Variants in LRRC66 observed in about 807,000 individuals in gnomAD.
LRRC66 encodes leucine-rich repeat-containing protein 66.
In LRRC66, 29 loss-of-function variants were observed where a neutral mutation model predicts 24.6. That is an observed-to-expected ratio of 1.18 (90% CI 0.88 to 1.61). The LOEUF is 1.61. LRRC66 is among the 40% of genes most tolerant of loss of function. LRRC66 has a pLI of 0.00. For synonymous variants in LRRC66, 411 were observed against 397.6 expected (o/e 1.03, Z -0.40); for missense variants, 1,124 against 1,058.0 (o/e 1.06, Z -0.87).
chr4:52,007,529 C>T (rs1736616322), intron 2 of LRRC66, among the ~76,000 whole-genome samples: 1 of 134,892 alleles, frequency 7.4e-6, no homozygotes, highest in East Asian at 1.9e-4. Context: ...TCACTTAAGG[C>T]CTCCATGCTT....
intron 3 of LRRC66, 43 bp from the exon 4 acceptor site, chr4:51,997,980 A>G: frequency 6.6e-7 from 1 of 1,508,548 alleles, no homozygotes; most frequent in Non-Finnish European, 9.1e-7. Flanking sequence ...GTGGATAAAG[A>G]CATTTACAGA....
rs199803124 is a variant in LRRC66 at position 51,995,075 on chromosome 4, A to G, written c.1947T>C (p.Leu649=). The G allele has an allele frequency of 2.5e-6, 4 of 1,614,192 alleles. No individual in the cohort carries two copies. The African/African-American group carries it at 4.0e-5, about 16-fold the overall frequency. Residue 649 remains leucine (L), a synonymous_variant, in exon 5 of 5, where the codon CTT becomes CTC. Transcript: ENST00000682860. ...ATGGAACCTCGCTGTAGTGGGCTGA[A>G]AGCGCTTCCTCAGCCCTTGCCCCGG... ...RLSGARAEEA[L]SAHYSEVPYG...
rs763187749 is a variant in LRRC66 at position 51,994,355 on chromosome 4, G to T, written c.*24C>A. 6.3e-7 allele frequency: 1 copy of T among 1,577,650 alleles called. No individual in the cohort carries two copies. The highest frequency in any genetic ancestry group is 1.2e-5 in the South Asian group (1 of 85,368). The stretch of plus-strand genomic sequence containing the variant: ...TTAAAAGAATATTGTTTAGAGCTGT[G>T]AATATTTCCTTAATGAAAGATTCTT... On this transcript the variant is annotated 3_prime_UTR_variant, in exon 5 of 5. Transcript: ENST00000682860.
chr4:52,016,971 C>T (rs1736825238), intron 2 of LRRC66, 147 bp downstream of exon 2: 3 of 833,896 alleles, frequency 3.6e-6, no homozygotes, highest in Non-Finnish European at 5.5e-6. Context: ...ACTTCCAATG[C>T]CACTAAGAAA....
chr4:52,018,107 A>G, intron 1 of LRRC66: 1 of 985,448 alleles, frequency 1.0e-6, no homozygotes. Context: ...AAAAAGTTTA[A>G]CTCACAAAAG....
At position 51,997,946 on chromosome 4, in the gene LRRC66, GAAGA is replaced by G. The variant is rs1335281743; in HGVS notation, c.667-13_667-10del. On this transcript the variant is annotated splice_polypyrimidine_tract_variant and intron_variant, in intron 3 of 4. Coordinates refer to ENST00000682860, the MANE Select transcript of LRRC66 (RefSeq NM_001024611.3). Reference sequence around the variant, plus strand: ...TTGCTAAGGTCTATGACCTGTTTGAGAAGAAACAAGTTTAGGATGGTCTGTGGAT... The same window carrying G: ...TTGCTAAGGTCTATGACCTGTTTGAGAACAAGTTTAGGATGGTCTGTGGAT... 6.2e-7 allele frequency: 1 copy of G among 1,608,696 alleles called. No homozygotes were observed. The highest frequency in any genetic ancestry group is 1.1e-5 in the South Asian group (1 of 90,664).
At chr4:52,003,423 A>C (rs1052514679) in intron 2 of LRRC66, 31 bp from the exon 3 acceptor site, 2 of 1,595,246 alleles carry the variant, frequency 1.3e-6, no homozygotes, top group Admixed American at 3.4e-5. Context: ...GTTGAAATCT[A>C]AACTGGTAAA....
intron 2 of LRRC66, among the ~76,000 whole-genome samples, chr4:52,010,192 A>G (rs1189410242): frequency 6.6e-6 from 1 of 152,180 alleles, no homozygotes; most frequent in Non-Finnish European, 1.5e-5. Flanking sequence ...TTTATTTTTA[A>G]TAGCCAAAAA....
chr4:52,008,170 T>C (rs930413646), intron 2 of LRRC66, among the ~76,000 whole-genome samples: 2 of 152,138 alleles, frequency 1.3e-5, no homozygotes, highest in African/African-American at 4.8e-5. Flanking sequence ...TTCCCAACTC[T>C]GGTCTGCAGA....
intron 2 of LRRC66, among the ~76,000 whole-genome samples, chr4:52,008,978 G>A (rs747586550): frequency 2.6e-5 from 4 of 152,044 alleles, no homozygotes; most frequent in Non-Finnish European, 4.4e-5. Flanking sequence ...AAGGACAGAA[G>A]AGGGGAAAAA....
intron 2 of LRRC66, among the ~76,000 whole-genome samples, chr4:52,008,962 T>G (rs552862442): frequency 6.6e-6 from 1 of 152,130 alleles, no homozygotes; most frequent in South Asian, 2.1e-4. Context: ...GGACAATACC[T>G]GCACAAAGGA....
chr4:52,019,620 A>G (rs1736898306), intron 1 of LRRC66, among the ~76,000 whole-genome samples: 1 of 152,222 alleles, frequency 6.6e-6, no homozygotes, highest in Non-Finnish European at 1.5e-5. Flanking sequence ...TTATTTTTAC[A>G]GTGTGCTTCT....
chr4:52,019,450 T>C (rs180971936), intron 1 of LRRC66, among the ~76,000 whole-genome samples: 1 of 152,336 alleles, frequency 6.6e-6, no homozygotes, highest in East Asian at 1.9e-4. Flanking sequence ...ATGTTGTTTG[T>C]GTGTAAATGA....
rs1736288078 is a variant in LRRC66 at position 51,995,657 on chromosome 4, C to T, written c.1365G>A (p.Gln455=). 1 of 1,613,948 alleles carries T rather than the reference C, an allele frequency of 6.2e-7. No homozygotes were observed. Among genetic ancestry groups the T allele is most frequent in the African/African-American group, 1.3e-5 (1 of 74,880 alleles). ...VFPHLSLYEN[Q]TPFWVTQPHP... ...GTGGCTGTGTCACCCAGAAAGGGGT[C>T]TGGTTCTCGTAGAGGCTTAGATGAG... is the stretch of plus-strand genomic sequence containing the variant. The change falls in exon 5 of 5, where the codon CAG becomes CAA. Residue 455 remains glutamine (Q), a synonymous_variant. Coordinates refer to ENST00000682860, the MANE Select transcript of LRRC66 (RefSeq NM_001024611.3).
intron 3 of LRRC66, among the ~76,000 whole-genome samples, chr4:51,998,379 G>A (rs1230328995): frequency 6.6e-6 from 1 of 152,198 alleles, no homozygotes; most frequent in Admixed American, 6.5e-5. Context: ...TGAAGACACA[G>A]AACACAGACT....
intron 1 of LRRC66, 118 bp from the exon 2 acceptor site, chr4:52,017,736 A>G (rs1030196544): frequency 7.3e-7 from 1 of 1,376,598 alleles, no homozygotes; most frequent in African/African-American, 1.5e-5. Context: ...TTGGTTGCCA[A>G]TTTAAGCGAA....
Position 51,995,452 on chromosome 4 carries a change from C to T in LRRC66, c.1570G>A (p.Ala524Thr). ...HAGNRELMSA[A>T]QDHIHRNDIL... ...TCATTCCTATGGATGTGGTCCTGCG[C>T]TGCTGACATTAGTTCACGGTTACCG... Residue 524 changes from alanine to threonine, a missense_variant, in exon 5 of 5, where the codon GCG (alanine) becomes ACG (threonine). Transcript: ENST00000682860. 1 of 1,614,144 alleles carries T rather than the reference C, an allele frequency of 6.2e-7. No homozygotes were observed.
At chr4:51,997,677 A>G (rs1344209374) in intron 4 of LRRC66, 71 bp downstream of exon 4, 21 of 1,413,924 alleles carry the variant, frequency 1.5e-5, no homozygotes, top group Non-Finnish European at 2.1e-5. Context: ...CATTATTTCA[A>G]AAAGACTAAA....
At chr4:52,007,153 AC>A (rs1282820955) in intron 2 of LRRC66, among the ~76,000 whole-genome samples, 2 of 152,036 alleles carry the variant, frequency 1.3e-5, no homozygotes, top group African/African-American at 4.8e-5. Flanking sequence ...AACTTAAGAG[AC>A]TGAGGTTTAT....
Sources: gnomAD v4.1 joint callset for allele counts (sites outside exome capture counted in the v4.1 genomes callset) on GRCh38, gnomAD v4.1.1 for gene constraint, MANE v1.5 for transcripts, NCBI Gene and HGNC (gene_info 2026-07-23, HGNC 2026-07-21) for gene names.